MRAP2: variants seen among roughly 807,000 people sequenced by gnomAD.
The protein encoded by MRAP2 is melanocortin 2 receptor accessory protein 2, also known as melanocortin-2 receptor accessory protein 2.
Under a neutral mutation model 17.4 loss-of-function variants are expected in MRAP2, and 20 were observed. The ratio of observed to expected loss-of-function variants is 1.15; its 90% confidence interval spans 0.81 to 1.67. The LOEUF (loss-of-function observed/expected upper bound fraction) is 1.67, where lower values mean the gene tolerates loss of function less well. MRAP2 is among the 40% of genes most tolerant of loss of function. MRAP2 has a pLI of 0.00. For synonymous variants in MRAP2, 96 were observed against 88.4 expected (o/e 1.09, Z -0.48); for missense variants, 238 against 240.0 (o/e 0.99, Z 0.05).
the MRAP2 span, among the ~76,000 whole-genome samples, chr6:84,132,678 T>C: frequency 2.6e-5 from 4 of 152,198 alleles, no homozygotes; most frequent in Non-Finnish European, 5.9e-5. Context: ...TCTCGTGCCA[T>C]GGTTTTCAGC....
the MRAP2 span, among the ~76,000 whole-genome samples, chr6:84,101,070 T>G: frequency 6.6e-6 from 1 of 152,210 alleles, no homozygotes; most frequent in East Asian, 1.9e-4. Flanking sequence ...TCTAATTGAC[T>G]TATGATGGTA....
At chr6:84,042,260 T>C (rs1363632813) in intron 1 of MRAP2, among the ~76,000 whole-genome samples, 2 of 152,174 alleles carry the variant, frequency 1.3e-5, no homozygotes, top group East Asian at 3.9e-4. Flanking sequence ...TTAGCCATAT[T>C]GAACTGTGAA....
At chr6:84,116,671 C>A in the MRAP2 span, among the ~76,000 whole-genome samples, 1 of 151,942 alleles carries the variant, frequency 6.6e-6, no homozygotes, top group Non-Finnish European at 1.5e-5. Context: ...TCCTTCAATA[C>A]CTAGTTTTTT....
At chr6:84,123,645 A>C in the MRAP2 span, among the ~76,000 whole-genome samples, 1 of 152,036 alleles carries the variant, frequency 6.6e-6, no homozygotes, top group African/African-American at 2.4e-5. Context: ...CCTAGGAAAA[A>C]CTCTTCAGAA....
intron 3 of MRAP2, among the ~76,000 whole-genome samples, chr6:84,067,090 G>T (rs559905818): frequency 6.6e-6 from 1 of 150,490 alleles, no homozygotes; most frequent in Non-Finnish European, 1.5e-5. Flanking sequence ...TTCTGCCTTT[G>T]TATCCTCATA....
chr6:84,039,661 A>G (rs959470897), intron 1 of MRAP2, among the ~76,000 whole-genome samples: 33 of 152,266 alleles, frequency 2.2e-4, no homozygotes, highest in African/African-American at 7.7e-4. Flanking sequence ...GTAAAATTTC[A>G]TAACCCTTCA....
the MRAP2 span, among the ~76,000 whole-genome samples, chr6:84,137,421 G>A: frequency 4.6e-5 from 7 of 151,978 alleles, no homozygotes; most frequent in African/African-American, 1.2e-4. Flanking sequence ...GAATATTTGC[G>A]ACAAATTACA....
At chr6:84,123,544 AC>A in the MRAP2 span, among the ~76,000 whole-genome samples, 1 of 152,034 alleles carries the variant, frequency 6.6e-6, no homozygotes, top group Non-Finnish European at 1.5e-5. Context: ...AATAAACTAG[AC>A]CCTTACCTCT....
the MRAP2 span, among the ~76,000 whole-genome samples, chr6:84,098,208 A>G: frequency 6.6e-6 from 1 of 152,154 alleles, no homozygotes; most frequent in Non-Finnish European, 1.5e-5. Flanking sequence ...ATCATGCAGT[A>G]CATACTCTGT....
intron 1 of MRAP2, among the ~76,000 whole-genome samples, chr6:84,041,671 T>G (rs2099487624): frequency 6.6e-6 from 1 of 152,280 alleles, no homozygotes; most frequent in Admixed American, 6.5e-5. Flanking sequence ...AGCTTTAAGA[T>G]TTAATTACTG....
At chr6:84,043,666 G>A (rs539798094) in intron 1 of MRAP2, among the ~76,000 whole-genome samples, 5 of 150,828 alleles carry the variant, frequency 3.3e-5, no homozygotes, top group Non-Finnish European at 7.4e-5. Context: ...GGTGAGGGGT[G>A]TGGGGTGAGT....
chr6:84,055,463 CCT>C lies in MRAP2; in HGVS notation c.127+20_127+21del. 1 of 1,606,472 alleles carries C rather than the reference CCT, an allele frequency of 6.2e-7. No homozygotes were observed. ...TCATAAATGTAAGTTTTATACAATT[CCT>C]CATTGAAAGCATAATTGTATTTCTC... On this transcript the variant is annotated intron_variant, in intron 2 of 3. Transcript: ENST00000257776.
the MRAP2 span, among the ~76,000 whole-genome samples, chr6:84,096,131 T>C: frequency 6.6e-6 from 1 of 152,312 alleles, no homozygotes; most frequent in South Asian, 2.1e-4. Context: ...CTCTTTATCC[T>C]GTATATAAAC....
the MRAP2 span, among the ~76,000 whole-genome samples, chr6:84,122,929 C>A: frequency 6.6e-6 from 1 of 151,994 alleles, no homozygotes; most frequent in East Asian, 1.9e-4. Context: ...TCTCTATACA[C>A]CAATAACATT....
At chr6:84,060,204 T>C (rs2099492738) in intron 2 of MRAP2, among the ~76,000 whole-genome samples, 1 of 152,240 alleles carries the variant, frequency 6.6e-6, no homozygotes, top group African/African-American at 2.4e-5. Context: ...TGTTGGATCA[T>C]GAGGATTCTC....
At chr6:84,134,919 T>TATACACACAC in the MRAP2 span, among the ~76,000 whole-genome samples, 4 of 148,372 alleles carry the variant, frequency 2.7e-5, no homozygotes, top group African/African-American at 7.4e-5. Flanking sequence ...AGATCATATA[T>TATACACACAC]ACACACACAC....
At chr6:84,097,570 T>C in the MRAP2 span, among the ~76,000 whole-genome samples, 1 of 152,158 alleles carries the variant, frequency 6.6e-6, no homozygotes, top group South Asian at 2.1e-4. Flanking sequence ...ATTTAGTATA[T>C]TTCTCTGGTG....
chr6:84,073,546 C>G (rs952851068), intron 3 of MRAP2, among the ~76,000 whole-genome samples: 1 of 152,184 alleles, frequency 6.6e-6, no homozygotes, highest in African/African-American at 2.4e-5. Flanking sequence ...CAGTGTGAGC[C>G]TCTGCACACT....
At chr6:84,063,745 AC>A (rs1388998424) in intron 3 of MRAP2, among the ~76,000 whole-genome samples, 4 of 152,190 alleles carry the variant, frequency 2.6e-5, no homozygotes, top group Admixed American at 2.6e-4. Context: ...CCAGCAGGCA[AC>A]AGTAATTAAA....
Sources: allele counts gnomAD v4.1 joint callset (sites outside exome capture counted in the v4.1 genomes callset), GRCh38; gene constraint gnomAD v4.1.1; transcripts MANE v1.5; gene names NCBI Gene and HGNC (gene_info 2026-07-23, HGNC 2026-07-21).